The following PPARA variants were observed in gnomAD, a reference collection of about 807,000 sequenced individuals.
The protein encoded by PPARA is peroxisome proliferator activated receptor alpha, also known as peroxisome proliferator-activated receptor alpha.
A neutral mutation model predicts 42.2 loss-of-function variants in PPARA; 22 were observed. The ratio of observed to expected loss-of-function variants is 0.52; its 90% CI spans 0.37 to 0.74. PPARA has a LOEUF of 0.74. Ranked by LOEUF, PPARA falls within the 30% of genes least tolerant of loss-of-function variation. The pLI, the probability that PPARA is intolerant of heterozygous loss-of-function variation, is 0.00. For synonymous variants in PPARA, 242 were observed against 239.3 expected (o/e 1.01, Z -0.10); for missense variants, 465 against 608.2 (o/e 0.76, Z 2.48).
At position 46,221,731 on chromosome 22, in the gene PPARA, A is replaced by G. The variant is rs1220008649; in HGVS notation, c.711+1717A>G. ...GGAGAATGGCGTGAACCCAGGAGGC[A>G]GAGCTTGCAGTGAGCCGAGATCGTG... On this transcript the variant is annotated intron_variant, in intron 7 of 8. Coordinates refer to ENST00000407236, the MANE Select transcript of PPARA (RefSeq NM_005036.6). The surrounding 1 kb of genome is among the most constrained non-coding windows in gnomAD (Gnocchi z 5.9). Among the ~76,000 whole-genome samples the G allele has an allele frequency of 6.6e-6, 1 of 151,928 alleles. No homozygotes were observed. The highest frequency in any genetic ancestry group is 2.4e-5 in the African/African-American group (1 of 41,346).
chr22:46,235,473 C>T lies in PPARA; in HGVS notation c.*93C>T. The T allele has an allele frequency of 6.6e-7, 1 of 1,503,946 alleles. No homozygotes were observed. Among genetic ancestry groups the T allele is most frequent in the Non-Finnish European group, 9.1e-7 (1 of 1,104,734 alleles). The allele number at this position is 1,503,946 out of a possible 1,614,324, so 93.2% of individuals were successfully genotyped here. On this transcript the variant is annotated 3_prime_UTR_variant, in exon 9 of 9. Coordinates refer to ENST00000407236, the MANE Select transcript of PPARA (RefSeq NM_005036.6). The surrounding 1 kb of genome is among the most constrained non-coding windows in gnomAD (Gnocchi z 7.0). ...GAGCAGCACGATTTTGCACAAATATCCACCACTTTAACCTTAGAGCTTGGA... is the reference window on the plus strand; with the variant it reads ...GAGCAGCACGATTTTGCACAAATATTCACCACTTTAACCTTAGAGCTTGGA...
Position 46,235,381 on chromosome 22 carries a change from G to C in PPARA, c.*1G>C. 6.2e-7 allele frequency: 1 copy of C among 1,613,522 alleles called. No individual in the cohort carries two copies. The highest frequency in any genetic ancestry group is 8.5e-7 in the Non-Finnish European group (1 of 1,179,862). ...GGAGATCTACAGGGACATGTACTGAGTTCCTTCAGATCAGCCACACCTTTT... is the reference window on the plus strand; with the variant it reads ...GGAGATCTACAGGGACATGTACTGACTTCCTTCAGATCAGCCACACCTTTT... On this transcript the variant is annotated 3_prime_UTR_variant, in exon 9 of 9. Coordinates refer to ENST00000407236, the MANE Select transcript of PPARA (RefSeq NM_005036.6). The surrounding 1 kb of genome is among the most constrained non-coding windows in gnomAD (Gnocchi z 7.0).
intron 5 of PPARA, 132 bp downstream of exon 5, chr22:46,215,465 C>A: frequency 8.3e-7 from 1 of 1,200,170 alleles, no homozygotes; most frequent in Non-Finnish European, 1.2e-6. Context: ...AGGCCAGGCG[C>A]GGTATCTCAT....
At chr22:46,178,142 G>T (rs1014981288) in intron 3 of PPARA, among the ~76,000 whole-genome samples, 2 of 152,160 alleles carry the variant, frequency 1.3e-5, no homozygotes, top group Non-Finnish European at 2.9e-5. Flanking sequence ...CAAAAGTGTA[G>T]TCTAACAGTT....
chr22:46,205,727 C>T (rs1023228064), intron 4 of PPARA, among the ~76,000 whole-genome samples: 3 of 150,736 alleles, frequency 2.0e-5, no homozygotes, highest in South Asian at 2.1e-4. Flanking sequence ...CTACCAGGCC[C>T]GGCTAATTAC....
Position 46,234,648 on chromosome 22 carries a change from G to A in PPARA, c.1160-485G>A, listed in dbSNP as rs1229895022. Reference sequence around the variant, plus strand: ...CTCCCGAGTATCTGGGATTACAGGCGTGAGCCACCGTGCCTGGCCTACAAA... The same window carrying A: ...CTCCCGAGTATCTGGGATTACAGGCATGAGCCACCGTGCCTGGCCTACAAA... On this transcript the variant is annotated intron_variant, in intron 8 of 8. Transcript: ENST00000407236. The surrounding 1 kb of genome is among the most constrained non-coding windows in gnomAD (Gnocchi z 5.8). 2.0e-5 allele frequency among the ~76,000 whole-genome samples: 3 copies of A among 152,154 alleles called. No homozygotes were observed. Among genetic ancestry groups the A allele is most frequent in the South Asian group, 2.1e-4 (1 of 4,822 alleles).
At chr22:46,152,043 C>T in intron 2 of PPARA, 73 bp downstream of exon 2, 1 of 151,778 alleles carries the variant, frequency 6.6e-6, no homozygotes. Context: ...TTCTGTTGCA[C>T]TACAGACCAG....
rs1230945485 is a variant in PPARA, at chr22:46,204,930, C to T, written c.208+6339C>T. Among the ~76,000 whole-genome samples the T allele has an allele frequency of 2.0e-5, 3 of 151,902 alleles. No individual in the cohort carries two copies. The highest frequency in any genetic ancestry group is 4.4e-5 in the Non-Finnish European group (3 of 67,976). ...TTGCCCAGGCTAGAGTGCAGTGGTGCGATCATGGCTTACTGCAGCCTTGAC... is the reference window on the plus strand; with the variant it reads ...TTGCCCAGGCTAGAGTGCAGTGGTGTGATCATGGCTTACTGCAGCCTTGAC... On this transcript the variant is annotated intron_variant, in intron 4 of 8. Coordinates refer to ENST00000407236, the MANE Select transcript of PPARA (RefSeq NM_005036.6). The surrounding 1 kb of genome is among the most constrained non-coding windows in gnomAD (Gnocchi z 5.2).
At chr22:46,186,848 T>G (rs1477679618) in intron 3 of PPARA, among the ~76,000 whole-genome samples, 1 of 152,118 alleles carries the variant, frequency 6.6e-6, no homozygotes, top group Non-Finnish European at 1.5e-5. Context: ...TATCAAGCCC[T>G]ATATATGCTA....
At position 46,195,469 on chromosome 22, in the gene PPARA, C is replaced by T. The variant is rs1262992655; in HGVS notation, c.-42-2873C>T. 2.0e-5 allele frequency among the ~76,000 whole-genome samples: 3 copies of T among 151,918 alleles called. No individual in the cohort carries two copies. The highest frequency in any genetic ancestry group is 2.9e-5 in the Non-Finnish European group (2 of 67,972). ...AACCCTATGAAAGGTTAACAGTTCTCTTATTTTTCCCTGTGTGCTATTTGA... is the reference window on the plus strand; with the variant it reads ...AACCCTATGAAAGGTTAACAGTTCTTTTATTTTTCCCTGTGTGCTATTTGA... On this transcript the variant is annotated intron_variant, in intron 3 of 8. Transcript: ENST00000407236. The surrounding 1 kb of genome is among the most constrained non-coding windows in gnomAD (Gnocchi z 4.6).
At chr22:46,175,369 C>A (rs927386667) in intron 2 of PPARA, among the ~76,000 whole-genome samples, 3 of 152,134 alleles carry the variant, frequency 2.0e-5, no homozygotes, top group Non-Finnish European at 2.9e-5. Context: ...CTTCCCATCC[C>A]TTTTTTAATT....
intron 3 of PPARA, among the ~76,000 whole-genome samples, chr22:46,181,781 C>T (rs569428211): frequency 6.6e-6 from 1 of 152,236 alleles, no homozygotes; most frequent in Non-Finnish European, 1.5e-5. Context: ...CTAGACATGC[C>T]CCAAATGGTT....
chr22:46,207,917 T>C (rs1341634721), intron 4 of PPARA, among the ~76,000 whole-genome samples: 1 of 151,690 alleles, frequency 6.6e-6, no homozygotes, highest in Non-Finnish European at 1.5e-5. Flanking sequence ...ACTCCTGGCC[T>C]CAAGCAATCC....
At position 46,224,223 on chromosome 22, in the gene PPARA, C is replaced by T. The variant is rs1264877976; in HGVS notation, c.711+4209C>T. On this transcript the variant is annotated intron_variant, in intron 7 of 8. Coordinates refer to ENST00000407236, the MANE Select transcript of PPARA (RefSeq NM_005036.6). This position sits in a 1 kb window ranked among gnomAD's most constrained non-coding sequence, Gnocchi z 5.7. ...TGCGCACGGGACGCTGGAGGCACGG[C>T]CCCCTCCTCCCTGCCTAGCCTGCTG... 1.3e-5 allele frequency among the ~76,000 whole-genome samples: 2 copies of T among 152,240 alleles called. No individual in the cohort carries two copies. The highest frequency in any genetic ancestry group is 2.9e-5 in the Non-Finnish European group (2 of 68,044).
At chr22:46,214,426 A>G (rs955901332) in intron 4 of PPARA, among the ~76,000 whole-genome samples, 6 of 149,082 alleles carry the variant, frequency 4.0e-5, no homozygotes, top group Non-Finnish European at 7.4e-5. Context: ...CGGATCGGAG[A>G]TGTGGAGGGC....
chr22:46,223,304 G>A (rs1297924513), intron 7 of PPARA, among the ~76,000 whole-genome samples: 1 of 152,126 alleles, frequency 6.6e-6, no homozygotes, highest in African/African-American at 2.4e-5. Flanking sequence ...AGGGTCACAT[G>A]CAGCAACTAG....
Position 46,222,299 on chromosome 22 carries a change from C to T in PPARA, c.711+2285C>T, listed in dbSNP as rs937249859. 3.9e-5 allele frequency among the ~76,000 whole-genome samples: 6 copies of T among 152,212 alleles called. No individual in the cohort carries two copies. The highest frequency in any genetic ancestry group is 3.3e-4 in the Admixed American group (5 of 15,282). ...GAGCTACCTTCAAAGAAGAGCCAGC[C>T]CTCAGTTGGTGAATGAAGATACTTT... On this transcript the variant is annotated intron_variant, in intron 7 of 8. Transcript: ENST00000407236. This position sits in a 1 kb window ranked among gnomAD's most constrained non-coding sequence, Gnocchi z 5.9.
intron 2 of PPARA, among the ~76,000 whole-genome samples, chr22:46,175,587 G>A (rs377282375): frequency 1.2e-3 from 175 of 152,132 alleles, no homozygotes; most frequent in African/African-American, 3.9e-3. Context: ...GGTGGCGGGC[G>A]CCTGTAGTCC....
At chr22:46,157,764 A>G (rs781206947) in intron 2 of PPARA, among the ~76,000 whole-genome samples, 1 of 152,140 alleles carries the variant, frequency 6.6e-6, no homozygotes, top group Non-Finnish European at 1.5e-5. Context: ...TCTGACTGTC[A>G]CATTAAAATA....
Sources: gnomAD v4.1 joint callset for allele counts (sites outside exome capture counted in the v4.1 genomes callset) on GRCh38, gnomAD v4.1.1 for gene constraint, Gnocchi (gnomAD v3.1) non-coding constraint, MANE v1.5 for transcripts, NCBI Gene and HGNC (gene_info 2026-07-23, HGNC 2026-07-21) for gene names.